The following EPSTI1 variants were observed in gnomAD, a reference collection of about 807,000 sequenced individuals.
The protein encoded by EPSTI1 is epithelial stromal interaction 1.
EPSTI1 carries 66 observed loss-of-function variants against 49.9 expected under a neutral mutation model. The observed-to-expected ratio is 1.32, with a 90% CI of 1.08 to 1.62. EPSTI1 has a LOEUF of 1.62. Ranked by LOEUF, EPSTI1 falls within the 40% of genes most tolerant of loss-of-function variation. The pLI is 0.00. For synonymous variants in EPSTI1, 137 were observed against 130.7 expected (o/e 1.05, Z -0.33); for missense variants, 394 against 365.5 (o/e 1.08, Z -0.64).
At chr13:42,949,168 T>A (rs1479558584) in intron 6 of EPSTI1, among the ~76,000 whole-genome samples, 1 of 152,216 alleles carries the variant, frequency 6.6e-6, no homozygotes, top group African/African-American at 2.4e-5. Flanking sequence ...TTTGGCATAT[T>A]TTGAAATGGC....
At chr13:42,978,575 G>T (rs1458479781) in intron 1 of EPSTI1, among the ~76,000 whole-genome samples, 1 of 152,076 alleles carries the variant, frequency 6.6e-6, no homozygotes, top group Non-Finnish European at 1.5e-5. Context: ...GGGACCCCAG[G>T]ATTTCTTTTC....
At chr13:42,921,386 A>G (rs1359476106) in intron 7 of EPSTI1, among the ~76,000 whole-genome samples, 1 of 152,204 alleles carries the variant, frequency 6.6e-6, no homozygotes, top group Non-Finnish European at 1.5e-5. Context: ...GTCATCAATA[A>G]AAATGCAAGC....
At chr13:42,929,613 G>A (rs1164694195) in intron 6 of EPSTI1, among the ~76,000 whole-genome samples, 1 of 152,082 alleles carries the variant, frequency 6.6e-6, no homozygotes, top group Non-Finnish European at 1.5e-5. Context: ...TTTGGTTAAC[G>A]CACATTGACA....
chr13:42,992,053 T>C lies in EPSTI1; in HGVS notation c.113A>G (p.Glu38Gly), dbSNP rs1476836853. ...SGRQGELSPV[E>G]DQREGLEAAP... is the part of the protein sequence containing the mutation. The stretch of plus-strand genomic sequence containing the variant: ...TGCCTCCAAACCCTCTCTCTGGTCT[T>C]CCACGGGGCTCAGCTCCCCTTGCCG... Residue 38 changes from glutamate to glycine, a missense_variant, in exon 1 of 11, where the codon GAA becomes GGA. Physicochemically the swap from Glu to Gly is moderately conservative, Grantham distance 98. Transcript: ENST00000313624. 6.2e-7 allele frequency: 1 copy of C among 1,613,418 alleles called. No homozygotes were observed.
At chr13:42,982,188 A>G (rs1354370459) in intron 1 of EPSTI1, among the ~76,000 whole-genome samples, 2 of 152,216 alleles carry the variant, frequency 1.3e-5, no homozygotes, top group African/African-American at 4.8e-5. Context: ...TTTTCAGTAA[A>G]GAAGCCAGCT....
At chr13:42,925,266 A>T (rs1201570261) in intron 7 of EPSTI1, among the ~76,000 whole-genome samples, 2 of 152,178 alleles carry the variant, frequency 1.3e-5, no homozygotes, top group Non-Finnish European at 2.9e-5. Context: ...TCCAGAATGA[A>T]AACACAAATC....
intron 6 of EPSTI1, among the ~76,000 whole-genome samples, chr13:42,938,184 A>G (rs1323284742): frequency 6.6e-6 from 1 of 152,114 alleles, no homozygotes; most frequent in East Asian, 1.9e-4. Flanking sequence ...TTGGGAAGAA[A>G]AATATCAAAA....
At chr13:42,917,036 T>C (rs1440550721) in intron 8 of EPSTI1, among the ~76,000 whole-genome samples, 1 of 152,226 alleles carries the variant, frequency 6.6e-6, no homozygotes, top group African/African-American at 2.4e-5. Context: ...CTGATTTCCA[T>C]TGCTCAAAAC....
At chr13:42,933,617 G>A (rs1486786855) in intron 6 of EPSTI1, among the ~76,000 whole-genome samples, 1 of 152,142 alleles carries the variant, frequency 6.6e-6, no homozygotes. Context: ...ATTTGTTTAA[G>A]ATTTCAGCCT....
intron 1 of EPSTI1, among the ~76,000 whole-genome samples, chr13:42,975,256 T>C (rs899852845): frequency 6.6e-6 from 1 of 152,162 alleles, no homozygotes; most frequent in Non-Finnish European, 1.5e-5. Context: ...CCAAGAATAA[T>C]AGAAAATGAC....
intron 7 of EPSTI1, among the ~76,000 whole-genome samples, chr13:42,923,739 T>C (rs1386902761): frequency 6.6e-6 from 1 of 152,202 alleles, no homozygotes; most frequent in East Asian, 1.9e-4. Context: ...ACCCTGTAAA[T>C]ATCTCTTGTC....
At chr13:42,930,348 T>C (rs954293011) in intron 6 of EPSTI1, among the ~76,000 whole-genome samples, 2 of 152,234 alleles carry the variant, frequency 1.3e-5, no homozygotes, top group African/African-American at 2.4e-5. Context: ...GTCTCTGCCA[T>C]GTGTTTAGCA....
At chr13:42,890,620 G>A (rs1469452274) in intron 10 of EPSTI1, among the ~76,000 whole-genome samples, 2 of 151,884 alleles carry the variant, frequency 1.3e-5, no homozygotes, top group African/African-American at 2.4e-5. Flanking sequence ...TTTTAAAAAG[G>A]GTCATTCATA....
chr13:42,938,772 A>T (rs1469325778), intron 6 of EPSTI1, among the ~76,000 whole-genome samples: 3 of 151,798 alleles, frequency 2.0e-5, no homozygotes, highest in Non-Finnish European at 4.4e-5. Flanking sequence ...GAAATTGGCC[A>T]GGCATGGTGG....
At chr13:42,926,135 G>A (rs979475078) in intron 7 of EPSTI1, among the ~76,000 whole-genome samples, 6 of 152,150 alleles carry the variant, frequency 3.9e-5, no homozygotes. Flanking sequence ...CTCTGAGGCT[G>A]TTTTAGTCCA....
chr13:42,936,776 A>G (rs1404616639), intron 6 of EPSTI1, among the ~76,000 whole-genome samples: 2 of 152,232 alleles, frequency 1.3e-5, no homozygotes, highest in African/African-American at 2.4e-5. Context: ...GATATATCCA[A>G]ACCATCTCAA....
intron 3 of EPSTI1, among the ~76,000 whole-genome samples, chr13:42,965,017 C>A (rs1566164819): frequency 1.3e-5 from 2 of 152,174 alleles, no homozygotes; most frequent in South Asian, 4.1e-4. Flanking sequence ...GAGAAAGATA[C>A]CATAGGGACT....
At chr13:42,959,068 T>A (rs1165851810) in intron 5 of EPSTI1, among the ~76,000 whole-genome samples, 5 of 152,200 alleles carry the variant, frequency 3.3e-5, no homozygotes. Context: ...GTTAGGGTAC[T>A]TTACTGAGTG....
chr13:42,942,838 G>A (rs1021625043), intron 6 of EPSTI1, among the ~76,000 whole-genome samples: 16 of 151,406 alleles, frequency 1.1e-4, no homozygotes, highest in Admixed American at 3.3e-4. Context: ...ACAGGCGCCC[G>A]CCACCGCGCC....
Sources: gnomAD v4.1 joint callset for allele counts (sites outside exome capture counted in the v4.1 genomes callset) on GRCh38, gnomAD v4.1.1 for gene constraint, MANE v1.5 for transcripts, NCBI Gene and HGNC (gene_info 2026-07-23, HGNC 2026-07-21) for gene names.